Variants in TTC6 observed in about 807,000 individuals in gnomAD.
The protein encoded by TTC6 is tetratricopeptide repeat protein 6.
TTC6 carries 172 observed loss-of-function variants against 210.4 expected under a neutral mutation model. That is an observed-to-expected ratio of 0.82 (90% CI 0.72 to 0.93). The LOEUF is 0.93. Among genes scored for constraint, TTC6 ranks in the 40% least tolerant of loss-of-function variants. The pLI, the probability that TTC6 is intolerant of heterozygous loss-of-function variation, is 0.00. For missense variants in TTC6, 2,414 were observed against 2,318.1 expected (o/e 1.04, Z -0.85); for synonymous variants, 804 against 819.6 (o/e 0.98, Z 0.32).
intron 1 of TTC6, among the ~76,000 whole-genome samples, chr14:37,627,551 G>C (rs758668002): frequency 2.6e-5 from 4 of 151,926 alleles, no homozygotes; most frequent in Non-Finnish European, 4.4e-5. Context: ...AGAACATGTG[G>C]TGTTTGCTTT....
intron 1 of TTC6, among the ~76,000 whole-genome samples, chr14:37,657,212 C>CAAAAAAAAAAA (rs61052302): frequency 2.0e-4 from 7 of 35,650 alleles, no homozygotes; most frequent in Non-Finnish European, 3.2e-4. Context: ...AACTCTGTCT[C>CAAAAAAAAAAA]AAAAAAAAAA....
chr14:37,647,759 G>GAT (rs1447535047), intron 1 of TTC6, among the ~76,000 whole-genome samples: 1 of 152,078 alleles, frequency 6.6e-6, no homozygotes, highest in African/African-American at 2.4e-5. Flanking sequence ...TGACCCGGGG[G>GAT]ATAAGTGTAG....
chr14:37,640,964 T>C (rs775488257), intron 1 of TTC6, among the ~76,000 whole-genome samples: 2 of 152,254 alleles, frequency 1.3e-5, no homozygotes, highest in Non-Finnish European at 2.9e-5. Context: ...CCAGCACCAA[T>C]TGCTGTCTTA....
At chr14:37,822,663 C>T (rs1251396615) in intron 26 of TTC6, among the ~76,000 whole-genome samples, 1 of 152,124 alleles carries the variant, frequency 6.6e-6, no homozygotes, top group Non-Finnish European at 1.5e-5. Flanking sequence ...TTCTGGCTAC[C>T]TTGTTGAGAT....
rs1217349023 is a variant in TTC6 at position 37,638,442 on chromosome 14, A to C, written c.939+15439A>C. Among the ~76,000 whole-genome samples, 7 of 152,066 alleles carry C rather than the reference A, an allele frequency of 4.6e-5. No individual in the cohort carries two copies. In the East Asian group the frequency reaches 9.7e-4, roughly 21 times the overall value. On this transcript the variant is annotated intron_variant, in intron 1 of 30. Coordinates refer to ENST00000553443, the Ensembl canonical transcript of TTC6. ...GCTAATTTTTATATTTTTAGTAGAG[A>C]GGGGATTTCACCATGTTGGCTAGGC...
intron 5 of TTC6, among the ~76,000 whole-genome samples, chr14:37,712,583 G>A (rs2095846317): frequency 1.3e-5 from 2 of 152,168 alleles, no homozygotes; most frequent in South Asian, 4.1e-4. Flanking sequence ...GGCTGATGAG[G>A]CCTCAGGAAA....
intron 7 of TTC6, among the ~76,000 whole-genome samples, chr14:37,731,703 A>C (rs1316368569): frequency 6.6e-6 from 1 of 152,218 alleles, no homozygotes; most frequent in African/African-American, 2.4e-5. Flanking sequence ...CTTTTACCTT[A>C]GAGTCTATCT....
chr14:37,600,194 G>A (rs926382611), intron 1 of TTC6, among the ~76,000 whole-genome samples: 134 of 152,278 alleles, frequency 8.8e-4, no homozygotes, highest in African/African-American at 3.1e-3. Flanking sequence ...GTCCTACTGC[G>A]TGCCACAGAC....
At chr14:37,833,724 A>C (rs1022128252) in intron 29 of TTC6, among the ~76,000 whole-genome samples, 1 of 152,210 alleles carries the variant, frequency 6.6e-6, no homozygotes, top group East Asian at 1.9e-4. Flanking sequence ...GCAGCTTTCT[A>C]TAATGATACC....
intron 14 of TTC6, among the ~76,000 whole-genome samples, chr14:37,768,658 T>A (rs1411236390): frequency 6.6e-6 from 1 of 150,994 alleles, no homozygotes; most frequent in African/African-American, 2.4e-5. Context: ...TTTTGTATCC[T>A]GAGACTTTGC....
intron 2 of TTC6, among the ~76,000 whole-genome samples, chr14:37,680,690 C>A (rs2095781578): frequency 6.6e-6 from 1 of 152,082 alleles, no homozygotes; most frequent in Non-Finnish European, 1.5e-5. Flanking sequence ...GGAAATAAAT[C>A]TTTCTTTTTA....
intron 21 of TTC6, among the ~76,000 whole-genome samples, 197 bp downstream of exon 23, chr14:37,805,011 G>T (rs1365384683): frequency 6.6e-6 from 1 of 152,116 alleles, no homozygotes; most frequent in Non-Finnish European, 1.5e-5. Flanking sequence ...TTTATTTGAT[G>T]CTTGTTTGTC....
chr14:37,735,877 A>G, intron 7 of TTC6, 44 bp from the exon 10 acceptor site: 1 of 1,237,560 alleles, frequency 8.1e-7, no homozygotes, highest in East Asian at 2.6e-5. Context: ...GCTTTTAAAA[A>G]GTATTCCAAA....
At chr14:37,639,493 G>T (rs2095687465) in intron 1 of TTC6, among the ~76,000 whole-genome samples, 1 of 152,006 alleles carries the variant, frequency 6.6e-6, no homozygotes, top group Non-Finnish European at 1.5e-5. Context: ...GTTTTTTTCT[G>T]TGTAAATGTA....
At chr14:37,742,489 A>C (rs1026012195) in intron 10 of TTC6, among the ~76,000 whole-genome samples, 1 of 151,616 alleles carries the variant, frequency 6.6e-6, no homozygotes, top group Non-Finnish European at 1.5e-5. Flanking sequence ...GGCTCACTGC[A>C]ACCTCTGCCT....
At chr14:37,595,683 A>G (rs2095602768), upstream of TTC6, among the ~76,000 whole-genome samples, 2 of 152,054 alleles carry the variant, frequency 1.3e-5, no homozygotes, top group South Asian at 4.1e-4. Flanking sequence ...CTTGTGGGAT[A>G]ACTGACCCCG....
chr14:37,761,069 G>C (rs2095982947), intron 14 of TTC6, among the ~76,000 whole-genome samples: 1 of 152,128 alleles, frequency 6.6e-6, no homozygotes, highest in African/African-American at 2.4e-5. Context: ...GTACTAAAAA[G>C]AACTCCTGCA....
intron 29 of TTC6, among the ~76,000 whole-genome samples, chr14:37,836,718 G>A (rs185404657): frequency 2.1e-3 from 324 of 152,226 alleles, no homozygotes; most frequent in African/African-American, 7.5e-3. Context: ...CATGCTTTGA[G>A]CCTCCTTCGT....
chr14:37,660,738 C>A (rs2095735719), intron 1 of TTC6, among the ~76,000 whole-genome samples: 2 of 152,154 alleles, frequency 1.3e-5, no homozygotes, highest in East Asian at 1.9e-4. Flanking sequence ...AATGGTATTT[C>A]TGGTTCTAGA....
Sources: allele counts gnomAD v4.1 joint callset (sites outside exome capture counted in the v4.1 genomes callset), GRCh38; gene constraint gnomAD v4.1.1; transcripts MANE v1.5; gene names NCBI Gene and HGNC (gene_info 2026-07-23, HGNC 2026-07-21).